The following LIN7A variants were observed in gnomAD, a reference collection of about 807,000 sequenced individuals.
LIN7A encodes lin-7 cell polarity scaffold A.
LIN7A carries 25 observed loss-of-function variants against 29.8 expected under a neutral mutation model. The observed-to-expected ratio is 0.84, with a 90% CI of 0.61 to 1.17. LIN7A has a LOEUF of 1.17. Among genes scored for constraint, LIN7A ranks in the 50% most tolerant of loss-of-function variants. LIN7A has a pLI of 0.00. For synonymous variants in LIN7A, 118 were observed against 107.5 expected, an observed-to-expected ratio of 1.10 and a Z score of -0.60; for missense variants, 239 against 287.0, an observed-to-expected ratio of 0.83 and a Z score of 1.21.
intron 2 of LIN7A, among the ~76,000 whole-genome samples, chr12:80,853,515 A>G (rs1328852268): frequency 1.3e-5 from 2 of 152,202 alleles, no homozygotes; most frequent in African/African-American, 4.8e-5. Context: ...TTGAACAGGT[A>G]CATTATCATG....
intron 1 of LIN7A, among the ~76,000 whole-genome samples, chr12:80,897,714 A>T (rs1246709476): frequency 6.6e-6 from 1 of 152,102 alleles, no homozygotes; most frequent in African/African-American, 2.4e-5. Context: ...CTGAGGAGGA[A>T]GAATCACCTG....
chr12:80,801,844 T>C (rs993518365), intron 5 of LIN7A, among the ~76,000 whole-genome samples: 5 of 151,978 alleles, frequency 3.3e-5, no homozygotes, highest in African/African-American at 1.2e-4. Flanking sequence ...CCGATCACCC[T>C]TCTCCTCTAC....
intron 1 of LIN7A, among the ~76,000 whole-genome samples, chr12:80,915,636 T>A (rs995385120): frequency 6.6e-6 from 1 of 152,232 alleles, no homozygotes; most frequent in Non-Finnish European, 1.5e-5. Context: ...TGTCCATCGA[T>A]GGTGGATTGG....
chr12:80,848,213 T>C (rs1183942585), intron 3 of LIN7A, 38 bp downstream of exon 3: 3 of 1,451,204 alleles, frequency 2.1e-6, no homozygotes, highest in Non-Finnish European at 2.9e-6. Context: ...ACTAGATAAC[T>C]GGGGTCAAGT....
At chr12:80,832,853 C>A (rs1872434054) in intron 4 of LIN7A, among the ~76,000 whole-genome samples, 1 of 152,052 alleles carries the variant, frequency 6.6e-6, no homozygotes, top group African/African-American at 2.4e-5. Flanking sequence ...GATTCTCAAC[C>A]AAGGATGATT....
At chr12:80,891,282 T>G (rs541046432) in intron 1 of LIN7A, among the ~76,000 whole-genome samples, 3 of 152,170 alleles carry the variant, frequency 2.0e-5, no homozygotes, top group Non-Finnish European at 4.4e-5. Context: ...GTAAACCTAA[T>G]TATTATTCTC....
intron 5 of LIN7A, among the ~76,000 whole-genome samples, chr12:80,800,489 CAAAAAAAAAAAAAAAAAAA>C (rs55772850): frequency 0.04 from 1,513 of 38,284 alleles, 55 homozygotes; most frequent in Middle Eastern, 0.1. Context: ...AACTCCGTCT[CAAAAAAAAAAAAAAAAAAA>C]AAAAAAAAAA....
chr12:80,914,603 C>T lies in LIN7A; in HGVS notation c.82+23038G>A, dbSNP rs565871774. Among the ~76,000 whole-genome samples the T allele has an allele frequency of 3.3e-5, 5 of 152,292 alleles. No homozygotes were observed. In the East Asian group the frequency reaches 9.6e-4, roughly 29 times the overall value. On this transcript the variant is annotated intron_variant, in intron 1 of 5. Transcript: ENST00000552864. The stretch of plus-strand genomic sequence containing the variant: ...GTTTCACGTTATCTTTCATGACTTT[C>T]TTCATATTGATAGCTGCCCAGATGT...
intron 1 of LIN7A, among the ~76,000 whole-genome samples, chr12:80,895,297 T>C (rs559108099): frequency 6.6e-6 from 1 of 152,178 alleles, no homozygotes. Flanking sequence ...AATAAAATAT[T>C]GGAACTTAAA....
At chr12:80,800,561 T>C (rs1870674914) in intron 5 of LIN7A, among the ~76,000 whole-genome samples, 1 of 148,836 alleles carries the variant, frequency 6.7e-6, no homozygotes. Flanking sequence ...AATAGACAAT[T>C]TGAATAGGTC....
chr12:80,830,939 A>C (rs1872320296), intron 4 of LIN7A, among the ~76,000 whole-genome samples: 1 of 152,180 alleles, frequency 6.6e-6, no homozygotes, highest in Admixed American at 6.6e-5. Context: ...TCCCTGCCAT[A>C]GCATCCCCTA....
intron 1 of LIN7A, among the ~76,000 whole-genome samples, chr12:80,914,365 C>T (rs1876923491): frequency 6.6e-6 from 1 of 152,126 alleles, no homozygotes; most frequent in African/African-American, 2.4e-5. Context: ...ATTTATTTTA[C>T]CATGAAACTT....
At chr12:80,856,636 G>A (rs1873615560) in intron 2 of LIN7A, among the ~76,000 whole-genome samples, 1 of 152,282 alleles carries the variant, frequency 6.6e-6, no homozygotes, top group African/African-American at 2.4e-5. Context: ...AAACCATGCT[G>A]ATGCAGTGTA....
intron 2 of LIN7A, among the ~76,000 whole-genome samples, chr12:80,882,094 A>G (rs1028235456): frequency 6.6e-6 from 1 of 152,090 alleles, no homozygotes. Context: ...ATTTGGAGCC[A>G]TCCATTTAAA....
At chr12:80,800,098 A>G (rs1055952471) in intron 5 of LIN7A, among the ~76,000 whole-genome samples, 3 of 152,244 alleles carry the variant, frequency 2.0e-5, no homozygotes, top group African/African-American at 7.2e-5. Flanking sequence ...TCACATCACT[A>G]CAAATACCAT....
chr12:80,884,900 T>C (rs1187128448), intron 2 of LIN7A, among the ~76,000 whole-genome samples: 1 of 152,178 alleles, frequency 6.6e-6, no homozygotes, highest in Non-Finnish European at 1.5e-5. Flanking sequence ...AGACCACTGT[T>C]AGCAGCACAT....
chr12:80,877,095 C>G (rs999276797), intron 2 of LIN7A, among the ~76,000 whole-genome samples: 1 of 141,644 alleles, frequency 7.1e-6, no homozygotes, highest in Non-Finnish European at 1.5e-5. Context: ...GCACTCCAGC[C>G]TAGCCAACAG....
chr12:80,863,140 C>T (rs550455971), intron 2 of LIN7A, among the ~76,000 whole-genome samples: 2 of 152,304 alleles, frequency 1.3e-5, no homozygotes, highest in South Asian at 4.1e-4. Context: ...GCATGTGCAG[C>T]TTTGATAGAA....
intron 2 of LIN7A, among the ~76,000 whole-genome samples, chr12:80,882,329 G>A (rs1157519734): frequency 1.2e-5 from 1 of 81,248 alleles, no homozygotes; most frequent in East Asian, 4.4e-4. Flanking sequence ...CTGTCGCCCA[G>A]GCTGGAGTGC....
Sources: gnomAD v4.1 joint callset for allele counts (sites outside exome capture counted in the v4.1 genomes callset) on GRCh38, gnomAD v4.1.1 for gene constraint, MANE v1.5 for transcripts, NCBI Gene and HGNC (gene_info 2026-07-23, HGNC 2026-07-21) for gene names.